The following ZBTB20 variants were observed in gnomAD, a reference collection of about 807,000 sequenced individuals.
ZBTB20 encodes the protein zinc finger and BTB domain-containing protein 20.
ZBTB20 carries 9 observed loss-of-function variants against 56.9 expected under a neutral mutation model. The observed-to-expected ratio is 0.16, with a 90% confidence interval of 0.10 to 0.28. The LOEUF is 0.28. Among genes scored for constraint, ZBTB20 ranks in the 10% least tolerant of loss-of-function variants. The pLI is 1.00. For synonymous variants in ZBTB20, 417 were observed against 420.7 expected, an observed-to-expected ratio of 0.99 and a Z score of 0.11; for missense variants, 655 against 1,003.0, an observed-to-expected ratio of 0.65 and a Z score of 4.69.
intron 5 of ZBTB20, among the ~76,000 whole-genome samples, chr3:114,798,925 C>T (rs1367229408): frequency 6.6e-6 from 1 of 151,456 alleles, no homozygotes; most frequent in Non-Finnish European, 1.5e-5. Flanking sequence ...GAAAGAATCC[C>T]TTTTGGAAAT....
chr3:114,792,409 T>C (rs1002500012), intron 5 of ZBTB20, among the ~76,000 whole-genome samples: 1 of 152,148 alleles, frequency 6.6e-6, no homozygotes, highest in Non-Finnish European at 1.5e-5. Flanking sequence ...TTAGAAGATT[T>C]CAATGGACTG....
intron 4 of ZBTB20, among the ~76,000 whole-genome samples, chr3:114,837,847 T>A (rs1216064816): frequency 6.6e-6 from 1 of 152,108 alleles, no homozygotes; most frequent in Non-Finnish European, 1.5e-5. Context: ...CTGCCTATTA[T>A]AATTGCTTAC....
intron 6 of ZBTB20, among the ~76,000 whole-genome samples, chr3:114,572,326 C>T (rs1057376436): frequency 2.0e-5 from 3 of 152,192 alleles, no homozygotes; most frequent in African/African-American, 7.2e-5. Context: ...GAATAACACA[C>T]AAAGTGTAAG....
At chr3:115,071,773 A>C (rs1206165150) in intron 1 of ZBTB20, among the ~76,000 whole-genome samples, 1 of 152,218 alleles carries the variant, frequency 6.6e-6, no homozygotes. Flanking sequence ...CTGTCTCTCT[A>C]TGATGACTGT....
chr3:115,033,826 G>A (rs375100342), intron 2 of ZBTB20, among the ~76,000 whole-genome samples: 3 of 151,682 alleles, frequency 2.0e-5, no homozygotes, highest in East Asian at 1.9e-4. Flanking sequence ...TATCTCTTAT[G>A]AGCATTGACA....
At chr3:114,872,564 C>T (rs1382039324) in intron 4 of ZBTB20, among the ~76,000 whole-genome samples, 2 of 150,794 alleles carry the variant, frequency 1.3e-5, no homozygotes, top group Admixed American at 6.6e-5. Flanking sequence ...AGAAATAAGA[C>T]GTTTGGGGAA....
At chr3:114,715,803 A>G (rs1161082755) in intron 5 of ZBTB20, among the ~76,000 whole-genome samples, 1 of 152,186 alleles carries the variant, frequency 6.6e-6, no homozygotes, top group African/African-American at 2.4e-5. Flanking sequence ...TTTTAATTCT[A>G]TAACATCCTT....
intron 3 of ZBTB20, among the ~76,000 whole-genome samples, chr3:114,937,669 C>T (rs894537743): frequency 6.6e-6 from 1 of 152,066 alleles, no homozygotes; most frequent in African/African-American, 2.4e-5. Flanking sequence ...GATCAGCCTG[C>T]GTTGGCCTCC....
chr3:114,396,434 G>A (rs2086343339), intron 7 of ZBTB20, among the ~76,000 whole-genome samples: 1 of 152,124 alleles, frequency 6.6e-6, no homozygotes, highest in African/African-American at 2.4e-5. Flanking sequence ...TGCTTACCGT[G>A]TGGCAGGCAT....
chr3:114,564,461 T>G (rs1162351187), intron 6 of ZBTB20, among the ~76,000 whole-genome samples: 1 of 152,140 alleles, frequency 6.6e-6, no homozygotes, highest in Non-Finnish European at 1.5e-5. Flanking sequence ...CCTCATAGCA[T>G]GGTAAGCTGC....
intron 5 of ZBTB20, among the ~76,000 whole-genome samples, chr3:114,748,288 T>TTCTA (rs1366983818): frequency 1.1e-5 from 1 of 91,244 alleles, no homozygotes; most frequent in Non-Finnish European, 2.4e-5. Context: ...GCTTCTTTCT[T>TTCTA]TCTTTCTTTC....
chr3:115,028,934 CTTATTA>C (rs1321731549), intron 2 of ZBTB20, among the ~76,000 whole-genome samples: 3 of 150,620 alleles, frequency 2.0e-5, no homozygotes, highest in Non-Finnish European at 4.5e-5. Context: ...CTTGCTAGCA[CTTATTA>C]TTATAATTTG....
At chr3:115,047,382 T>C (rs1007915833) in intron 2 of ZBTB20, among the ~76,000 whole-genome samples, 5 of 152,236 alleles carry the variant, frequency 3.3e-5, no homozygotes, top group Non-Finnish European at 7.3e-5. Flanking sequence ...CTGGTATTTG[T>C]CAGTGGGCTT....
chr3:114,377,095 G>A (rs1367708349), intron 10 of ZBTB20, among the ~76,000 whole-genome samples: 1 of 152,172 alleles, frequency 6.6e-6, no homozygotes, highest in South Asian at 2.1e-4. Flanking sequence ...GGGAGCACTT[G>A]GCTCAGCTCA....
At chr3:114,842,035 C>A (rs1424175213) in intron 4 of ZBTB20, among the ~76,000 whole-genome samples, 1 of 152,194 alleles carries the variant, frequency 6.6e-6, no homozygotes, top group Non-Finnish European at 1.5e-5. Context: ...AGGGCTCACA[C>A]TTCTCTTCTC....
intron 7 of ZBTB20, among the ~76,000 whole-genome samples, chr3:114,431,390 T>A (rs1200275474): frequency 6.6e-6 from 1 of 152,202 alleles, no homozygotes; most frequent in Non-Finnish European, 1.5e-5. Flanking sequence ...TAGCCCCTTC[T>A]ACATTACGTA....
intron 1 of ZBTB20, among the ~76,000 whole-genome samples, chr3:115,123,732 T>C (rs1345479854): frequency 1.3e-5 from 2 of 152,210 alleles, no homozygotes; most frequent in Non-Finnish European, 2.9e-5. Context: ...TTGTACATAT[T>C]TCTCAACGGT....
intron 6 of ZBTB20, among the ~76,000 whole-genome samples, chr3:114,624,668 C>G (rs1208275607): frequency 6.6e-6 from 1 of 152,094 alleles, no homozygotes; most frequent in African/African-American, 2.4e-5. Context: ...CTGCCCAGAT[C>G]ACTGCTGTAC....
At chr3:114,746,812 T>C (rs993997632) in intron 5 of ZBTB20, among the ~76,000 whole-genome samples, 5 of 152,236 alleles carry the variant, frequency 3.3e-5, no homozygotes, top group African/African-American at 1.2e-4. Flanking sequence ...TCAGAATCTA[T>C]ATTGAAAATT....
Sources: allele counts gnomAD v4.1 joint callset (sites outside exome capture counted in the v4.1 genomes callset), GRCh38; gene constraint gnomAD v4.1.1; transcripts MANE v1.5; gene names NCBI Gene and HGNC (gene_info 2026-07-23, HGNC 2026-07-21).